The following FSIP1 variants were observed in gnomAD, a reference collection of about 807,000 sequenced individuals.
FSIP1 encodes the protein fibrous sheath interacting protein 1, also known as fibrous sheath-interacting protein 1.
Under a neutral mutation model 60.9 loss-of-function variants are expected in FSIP1, and 65 were observed. The observed-to-expected ratio is 1.07, with a 90% confidence interval of 0.87 to 1.31. The LOEUF (loss-of-function observed/expected upper bound fraction) is 1.31, where lower values mean the gene tolerates loss of function less well. Among genes scored for constraint, FSIP1 ranks in the 40% most tolerant of loss-of-function variants. The probability of loss-of-function intolerance (pLI) is 0.00; values close to 1 mark genes in which losing one functional copy is unlikely to be tolerated. For synonymous variants in FSIP1, 209 were observed against 221.2 expected, an observed-to-expected ratio of 0.94 and a Z score of 0.49; for missense variants, 675 against 665.5, an observed-to-expected ratio of 1.01 and a Z score of -0.16.
intron 3 of FSIP1, among the ~76,000 whole-genome samples, chr15:39,766,780 T>C (rs1266879777): frequency 1.3e-5 from 2 of 152,228 alleles, no homozygotes; most frequent in African/African-American, 4.8e-5. Flanking sequence ...GCCAAATTTA[T>C]CAACTTTTGA....
chr15:39,626,769 A>G (rs1457447475), intron 10 of FSIP1, among the ~76,000 whole-genome samples: 3 of 151,794 alleles, frequency 2.0e-5, no homozygotes, highest in Non-Finnish European at 4.4e-5. Flanking sequence ...CTGGGAGTCA[A>G]TTAAACCTCT....
intron 11 of FSIP1, among the ~76,000 whole-genome samples, chr15:39,613,949 T>C (rs1486301166): frequency 2.6e-5 from 4 of 152,158 alleles, no homozygotes; most frequent in South Asian, 4.1e-4. Flanking sequence ...AGAGGTAAAG[T>C]ACATAATAAA....
At chr15:39,780,194 T>C (rs986300916) in intron 1 of FSIP1, among the ~76,000 whole-genome samples, 4 of 152,204 alleles carry the variant, frequency 2.6e-5, no homozygotes, top group South Asian at 4.1e-4. Context: ...CACATACAAA[T>C]GGCATGGTGC....
chr15:39,627,447 A>G (rs115159316), intron 10 of FSIP1, among the ~76,000 whole-genome samples: 1 of 152,204 alleles, frequency 6.6e-6, no homozygotes, highest in Non-Finnish European at 1.5e-5. Context: ...GCTTGTACAA[A>G]CCAGAAGTGC....
chr15:39,768,599 T>C (rs1377821463), intron 3 of FSIP1, among the ~76,000 whole-genome samples: 1 of 152,242 alleles, frequency 6.6e-6, no homozygotes, highest in Admixed American at 6.5e-5. Context: ...CATATTCTCA[T>C]AGGAAGACAG....
chr15:39,693,912 TAGA>T (rs1357626844), intron 10 of FSIP1, among the ~76,000 whole-genome samples: 4 of 151,864 alleles, frequency 2.6e-5, no homozygotes, highest in African/African-American at 7.3e-5. Flanking sequence ...TGAAGGAACA[TAGA>T]AGAATAGATT....
chr15:39,649,660 ACTCT>A (rs1300153770), intron 10 of FSIP1, among the ~76,000 whole-genome samples: 1 of 151,590 alleles, frequency 6.6e-6, no homozygotes, highest in Non-Finnish European at 1.5e-5. Flanking sequence ...ACTCTACACC[ACTCT>A]CAGGCTATTC....
At position 39,700,671 on chromosome 15, in the gene FSIP1, T is replaced by G. The variant is rs184311495; in HGVS notation, c.1188+12773A>C. On this transcript the variant is annotated intron_variant, in intron 10 of 11. Coordinates refer to ENST00000350221, the MANE Select transcript of FSIP1 (RefSeq NM_152597.5). ...ATGGCCTTGAGCACAGAGGAAAGAT[T>G]GCCCACCCCAGTGTCTATACAAGGC... Among the ~76,000 whole-genome samples the G allele has an allele frequency of 1.9e-3, 297 of 152,318 alleles. 1 individual carries two copies. Among genetic ancestry groups the G allele is most frequent in the Non-Finnish European group, 3.5e-3 (237 of 68,028 alleles).
At chr15:39,657,535 T>C (rs1301204577) in intron 10 of FSIP1, among the ~76,000 whole-genome samples, 1 of 152,200 alleles carries the variant, frequency 6.6e-6, no homozygotes, top group Non-Finnish European at 1.5e-5. Flanking sequence ...TGGCACACCT[T>C]TAAAGCAGTA....
chr15:39,771,807 C>T (rs1299351390), intron 2 of FSIP1, among the ~76,000 whole-genome samples: 3 of 152,158 alleles, frequency 2.0e-5, no homozygotes, highest in Non-Finnish European at 4.4e-5. Flanking sequence ...AAACATATTT[C>T]TGCCAAATGC....
At chr15:39,775,024 A>C (rs1250341862) in intron 2 of FSIP1, among the ~76,000 whole-genome samples, 1 of 151,698 alleles carries the variant, frequency 6.6e-6, no homozygotes, top group Non-Finnish European at 1.5e-5. Flanking sequence ...GCAGTGGGGG[A>C]GGTGGAGGGG....
chr15:39,713,540 T>G lies in FSIP1; in HGVS notation c.1092A>C (p.Pro364=). ...TGGTGTTCCTAAGTATCTTTTCTCC[T>G]GGAGTTACTTCCATATTTCTTTCAC... The part of the protein sequence containing the change: ...RDGERNMEVT[P]GEKILRNTKE... Residue 364 remains proline, a synonymous_variant, in exon 10 of 12, where the codon CCA becomes CCC. Coordinates refer to ENST00000350221, the MANE Select transcript of FSIP1 (RefSeq NM_152597.5). 2 of 1,607,866 alleles carry G rather than the reference T, an allele frequency of 1.2e-6. No homozygotes were observed. The highest frequency in any genetic ancestry group is 1.7e-6 in the Non-Finnish European group (2 of 1,177,362).
intron 2 of FSIP1, among the ~76,000 whole-genome samples, chr15:39,772,834 G>C (rs1019728791): frequency 1.3e-5 from 2 of 150,212 alleles, no homozygotes; most frequent in Admixed American, 6.6e-5. Flanking sequence ...CAAGTGATCT[G>C]CCCACTTCGG....
downstream of FSIP1, chr15:39,598,366 G>A (rs1000333344): frequency 1.3e-5 from 2 of 152,198 alleles, no homozygotes; most frequent in African/African-American, 4.8e-5. Context: ...TCATTTTATA[G>A]TACCAAGGTG....
chr15:39,602,939 T>C (rs1203407940), intron 11 of FSIP1, among the ~76,000 whole-genome samples: 1 of 152,154 alleles, frequency 6.6e-6, no homozygotes, highest in Non-Finnish European at 1.5e-5. Context: ...TCAATATACC[T>C]AGAACAACGG....
Position 39,602,272 on chromosome 15 carries a change from T to C in FSIP1, c.1700-1346A>G, listed in dbSNP as rs557743045. ...GACGGAGGCAGAGACTGGAGTGACGTGGCCACAAAGCCAGGAATGCCCATA... is the reference window on the plus strand; with the variant it reads ...GACGGAGGCAGAGACTGGAGTGACGCGGCCACAAAGCCAGGAATGCCCATA... On this transcript the variant is annotated intron_variant, in intron 11 of 11. Transcript: ENST00000350221. 3 of 454,310 alleles carry C rather than the reference T, an allele frequency of 6.6e-6. No homozygotes were observed. In the East Asian group the frequency reaches 2.1e-4, roughly 32 times the overall value. The allele number at this position is 454,310 out of a possible 1,614,324, so 28.1% of individuals were successfully genotyped here.
Position 39,741,813 on chromosome 15 carries a change from A to G in FSIP1, c.647T>C (p.Leu216Pro). 6.5e-7 allele frequency: 1 copy of G among 1,542,048 alleles called. No homozygotes were observed. The highest frequency in any genetic ancestry group is 9.0e-7 in the Non-Finnish European group (1 of 1,115,394). ...CACAAATTTAAATATACCTTTATTG[A>G]GTTTCTGCATCTGCATTTCATATTC... Reference protein sequence around the residue: ...PEEYEMQMQKLNKDFTCDVER... With the variant: ...PEEYEMQMQKPNKDFTCDVER... Residue 216 changes from leucine to proline, a missense_variant, in exon 6 of 12, where the codon CTC becomes CCC. Physicochemically the swap from Leu to Pro is moderately conservative, Grantham distance 98. Transcript: ENST00000350221.
At chr15:39,722,769 A>C (rs373488991) in intron 9 of FSIP1, among the ~76,000 whole-genome samples, 143 of 152,128 alleles carry the variant, frequency 9.4e-4, no homozygotes, top group Middle Eastern at 3.4e-3. Flanking sequence ...CACCTCTAAA[A>C]AAAATTAAAA....
chr15:39,756,346 A>C (rs1340253248), intron 5 of FSIP1, among the ~76,000 whole-genome samples: 1 of 152,166 alleles, frequency 6.6e-6, no homozygotes, highest in Non-Finnish European at 1.5e-5. Flanking sequence ...TTCAGCCATC[A>C]GCCCAAAGTC....
Sources: allele counts gnomAD v4.1 joint callset (sites outside exome capture counted in the v4.1 genomes callset), GRCh38; gene constraint gnomAD v4.1.1; transcripts MANE v1.5; gene names NCBI Gene and HGNC (gene_info 2026-07-23, HGNC 2026-07-21).